The following CNOT2 variants were observed in gnomAD, a reference collection of about 807,000 sequenced individuals.
CNOT2 encodes the protein CCR4-NOT transcription complex subunit 2.
CNOT2 carries 7 observed loss-of-function variants against 72.1 expected under a neutral mutation model. That is an observed-to-expected ratio of 0.10 (90% confidence interval 0.06 to 0.18). CNOT2 has a LOEUF of 0.18. CNOT2 is among the 10% of genes least tolerant of loss of function. The probability of loss-of-function intolerance (pLI) is 1.00; values close to 1 mark genes in which losing one functional copy is unlikely to be tolerated. For missense variants in CNOT2, 345 were observed against 660.3 expected, an observed-to-expected ratio of 0.52 and a Z score of 5.23; for synonymous variants, 196 against 225.6, an observed-to-expected ratio of 0.87 and a Z score of 1.17.
chr12:70,267,145 C>T (rs1959090621), intron 1 of CNOT2, among the ~76,000 whole-genome samples: 1 of 152,186 alleles, frequency 6.6e-6, no homozygotes, highest in South Asian at 2.1e-4. Context: ...CTTATTATGT[C>T]AGTTTCCTGG....
chr12:70,305,391 G>A (rs1033316931), intron 2 of CNOT2, among the ~76,000 whole-genome samples: 2 of 152,102 alleles, frequency 1.3e-5, no homozygotes, highest in Non-Finnish European at 2.9e-5. Flanking sequence ...CCTCCCACGG[G>A]GTTCCTTCTG....
chr12:70,292,628 G>A (rs898062145), intron 2 of CNOT2, among the ~76,000 whole-genome samples: 5 of 152,104 alleles, frequency 3.3e-5, no homozygotes, highest in Non-Finnish European at 7.4e-5. Flanking sequence ...ATGCTAACAG[G>A]GGAGATTAGA....
At chr12:70,269,999 G>A (rs1256334527) in intron 1 of CNOT2, among the ~76,000 whole-genome samples, 2 of 152,128 alleles carry the variant, frequency 1.3e-5, no homozygotes, top group African/African-American at 4.8e-5. Context: ...TTGTGACCTT[G>A]TGTTAATTAT....
chr12:70,278,722 G>C (rs1055823128), intron 2 of CNOT2, among the ~76,000 whole-genome samples: 6 of 152,014 alleles, frequency 3.9e-5, no homozygotes, highest in African/African-American at 1.2e-4. Context: ...AGAAACCCAG[G>C]GTGCTTAGAG....
At chr12:70,319,161 G>A in intron 3 of CNOT2, 137 bp from the exon 4 acceptor site, 1 of 570,092 alleles carries the variant, frequency 1.8e-6, no homozygotes, top group Non-Finnish European at 2.8e-6. Context: ...ATTATAGAAT[G>A]TTTGTTTTAT....
intron 4 of CNOT2, chr12:70,327,774 T>C (rs1304370116): frequency 6.6e-6 from 1 of 151,912 alleles, no homozygotes; most frequent in African/African-American, 2.4e-5. Context: ...ACAATGCGTG[T>C]TACATAGTAG....
At chr12:70,274,444 C>A (rs1378984183) in intron 1 of CNOT2, among the ~76,000 whole-genome samples, 6 of 151,934 alleles carry the variant, frequency 3.9e-5, no homozygotes, top group Non-Finnish European at 8.8e-5. Context: ...AAAGAGAAAA[C>A]CTGTTCAGCT....
At chr12:70,311,943 A>G (rs1876538173) in intron 3 of CNOT2, among the ~76,000 whole-genome samples, 1 of 151,916 alleles carries the variant, frequency 6.6e-6, no homozygotes, top group African/African-American at 2.4e-5. Flanking sequence ...ACTTCCTTTG[A>G]CTTTGCAGAA....
chr12:70,338,490 A>G lies in CNOT2; in HGVS notation c.948A>G (p.Lys316=). The G allele has an allele frequency of 6.2e-7, 1 of 1,613,310 alleles. No homozygotes were observed. Among genetic ancestry groups the G allele is most frequent in the African/African-American group, 1.3e-5 (1 of 74,990 alleles). Residue 316 remains lysine, a synonymous_variant, in exon 10 of 16, where the codon AAA becomes AAG. Transcript: ENST00000229195. ...CAACTTCAAGTACAGATGGACCCAA[A>G]TTCCCTGGAGATAAAAGTTCAACAA... ...GKTTSSTDGP[K]FPGDKSSTTQ...
intron 4 of CNOT2, among the ~76,000 whole-genome samples, chr12:70,326,215 C>CT (rs1565814596): frequency 6.6e-6 from 1 of 151,600 alleles, no homozygotes; most frequent in Non-Finnish European, 1.5e-5. Context: ...ACCTTTTAAA[C>CT]TTTTTTTAAA....
Position 70,354,929 on chromosome 12 carries a change from A to G in CNOT2, c.*1014A>G, listed in dbSNP as rs979830275. 1 of 152,650 alleles carries G rather than the reference A, an allele frequency of 6.6e-6. No homozygotes were observed. Among genetic ancestry groups the G allele is most frequent in the Non-Finnish European group, 1.5e-5 (1 of 68,034 alleles). 9.5% of individuals were successfully genotyped at this position (152,650 alleles called of 1,614,324 possible). On this transcript the variant is annotated 3_prime_UTR_variant, in exon 16 of 16. Coordinates refer to ENST00000229195, the MANE Select transcript of CNOT2 (RefSeq NM_014515.7). ...TTCATAGGAAGAGAAAAAAAGATCA[A>G]TCTTGTATTTTCTGACCACATAAAG...
chr12:70,248,881 C>T (rs918048613), intron 1 of CNOT2, among the ~76,000 whole-genome samples: 4 of 151,848 alleles, frequency 2.6e-5, no homozygotes, highest in African/African-American at 7.3e-5. Context: ...TTTCCTTATA[C>T]GTGAGTAGAT....
chr12:70,320,263 T>C (rs1234881436), intron 4 of CNOT2, among the ~76,000 whole-genome samples: 1 of 151,686 alleles, frequency 6.6e-6, no homozygotes, highest in Non-Finnish European at 1.5e-5. Context: ...AATCAATAAT[T>C]TGATTTGGAA....
chr12:70,295,059 G>C (rs1872599123), intron 2 of CNOT2, among the ~76,000 whole-genome samples: 1 of 152,118 alleles, frequency 6.6e-6, no homozygotes, highest in Admixed American at 6.6e-5. Context: ...TAGGGATGTA[G>C]CTCTGGGTCT....
intron 1 of CNOT2, among the ~76,000 whole-genome samples, chr12:70,248,278 GT>G (rs1957978699): frequency 6.6e-6 from 1 of 152,124 alleles, no homozygotes; most frequent in Non-Finnish European, 1.5e-5. Flanking sequence ...GATTTCTCTA[GT>G]TTGAATAAAA....
At chr12:70,329,033 A>T (rs1406647872) in intron 4 of CNOT2, among the ~76,000 whole-genome samples, 1 of 151,964 alleles carries the variant, frequency 6.6e-6, no homozygotes, top group African/African-American at 2.4e-5. Context: ...TTAGTTGTGA[A>T]TAAAGACATA....
At chr12:70,298,257 T>C (rs74444858) in intron 2 of CNOT2, among the ~76,000 whole-genome samples, 2,054 of 152,302 alleles carry the variant, frequency 0.013, 46 homozygotes, top group African/African-American at 0.046. Context: ...CTACTTACCA[T>C]TGTTCACAAT....
At chr12:70,341,038 A>G (rs1231883817) in intron 11 of CNOT2, among the ~76,000 whole-genome samples, 4 of 151,836 alleles carry the variant, frequency 2.6e-5, no homozygotes, top group Non-Finnish European at 5.9e-5. Context: ...ATGTGCCACC[A>G]TGCCCAGCTA....
intron 2 of CNOT2, among the ~76,000 whole-genome samples, chr12:70,278,602 T>C (rs1232857823): frequency 6.6e-6 from 1 of 152,230 alleles, no homozygotes; most frequent in Admixed American, 6.5e-5. Context: ...CTTTTACGTA[T>C]ATTATTCCTG....
Sources: allele counts gnomAD v4.1 joint callset (sites outside exome capture counted in the v4.1 genomes callset), GRCh38; gene constraint gnomAD v4.1.1; transcripts MANE v1.5; gene names NCBI Gene and HGNC (gene_info 2026-07-23, HGNC 2026-07-21).